BSDC1: variants seen among roughly 807,000 people sequenced by gnomAD.
The protein encoded by BSDC1 is BSD domain-containing protein 1.
A neutral mutation model predicts 56.0 loss-of-function variants in BSDC1; 29 were observed. The observed-to-expected ratio is 0.52, with a 90% CI of 0.39 to 0.71. The LOEUF (loss-of-function observed/expected upper bound fraction) is 0.71. Among genes scored for constraint, BSDC1 ranks in the 30% least tolerant of loss-of-function variants. BSDC1 has a pLI of 0.00. For missense variants in BSDC1, 477 were observed against 548.5 expected (o/e 0.87, Z 1.30); for synonymous variants, 210 against 215.3 (o/e 0.98, Z 0.21).
intron 9 of BSDC1, among the ~76,000 whole-genome samples, chr1:32,373,515 CTTTCT>C (rs1338471239): frequency 1.3e-5 from 2 of 152,038 alleles, no homozygotes; most frequent in East Asian, 3.8e-4. Context: ...CTTGCATATA[CTTTCT>C]TTTCTTTCCT....
chr1:32,387,405 G>A (rs140981673), intron 2 of BSDC1, among the ~76,000 whole-genome samples: 3,078 of 151,540 alleles, frequency 0.02, 101 homozygotes, highest in African/African-American at 0.071. Flanking sequence ...GCAATGGCAC[G>A]ATCTCGGCTC....
At chr1:32,381,341 G>A in intron 4 of BSDC1, 73 bp from the exon 5 acceptor site, 1 of 1,435,832 alleles carries the variant, frequency 7.0e-7, no homozygotes, top group Non-Finnish European at 9.7e-7. Flanking sequence ...TCTCTGCCAG[G>A]ATACTCAGTC....
intron 2 of BSDC1, among the ~76,000 whole-genome samples, chr1:32,389,171 G>A (rs911898638): frequency 6.6e-6 from 1 of 151,960 alleles, no homozygotes; most frequent in Admixed American, 6.6e-5. Context: ...AGCCAGGATG[G>A]TCTCGATCTC....
At chr1:32,367,191 C>G in intron 10 of BSDC1, 3 of 985,618 alleles carry the variant, frequency 3.0e-6, no homozygotes, top group Non-Finnish European at 3.6e-6. Context: ...CACCAACACC[C>G]TAATTCCCAG....
chr1:32,380,242 G>A (rs976589369), intron 5 of BSDC1, among the ~76,000 whole-genome samples: 4 of 152,116 alleles, frequency 2.6e-5, no homozygotes, highest in South Asian at 2.1e-4. Flanking sequence ...CCTTTAACCC[G>A]GCGTTACTAA....
chr1:32,374,136 C>T (rs1411208617), intron 9 of BSDC1, among the ~76,000 whole-genome samples: 1 of 152,182 alleles, frequency 6.6e-6, no homozygotes, highest in Non-Finnish European at 1.5e-5. Context: ...AGAAAAAGTA[C>T]ACAGATCTCA....
intron 9 of BSDC1, among the ~76,000 whole-genome samples, chr1:32,373,727 G>A (rs1278685804): frequency 6.6e-6 from 1 of 152,004 alleles, no homozygotes; most frequent in Non-Finnish European, 1.5e-5. Context: ...TCATCACAAT[G>A]CCAGGGCTGG....
intron 10 of BSDC1, 45 bp from the exon 11 acceptor site, chr1:32,366,699 T>C (rs916187108): frequency 6.9e-7 from 1 of 1,453,290 alleles, no homozygotes; most frequent in Non-Finnish European, 9.1e-7. Flanking sequence ...ACATAGTTAC[T>C]CCTGAGTCAG....
At chr1:32,389,475 G>C (rs1642790703) in intron 2 of BSDC1, among the ~76,000 whole-genome samples, 1 of 152,208 alleles carries the variant, frequency 6.6e-6, no homozygotes, top group African/African-American at 2.4e-5. Flanking sequence ...TGTGAGCTCT[G>C]AGCAGACAAA....
At chr1:32,390,269 G>A (rs556003036) in intron 2 of BSDC1, among the ~76,000 whole-genome samples, 20 of 152,224 alleles carry the variant, frequency 1.3e-4, no homozygotes, top group African/African-American at 4.8e-4. Context: ...GAAGAAGGAA[G>A]ACCAGTCAGG....
chr1:32,376,255 GACCT>G lies in BSDC1; in HGVS notation c.1156+3_1156+6del. The G allele has an allele frequency of 6.7e-7, 1 of 1,489,428 alleles. No individual in the cohort carries two copies. The highest frequency in any genetic ancestry group is 2.3e-5 in the East Asian group (1 of 43,554). 92.3% of individuals were successfully genotyped at this position (1,489,428 alleles called of 1,614,324 possible). ...ACAACCCTCTGGGCTTGGACCTCCA[GACCT>G]ACCTTTCTTTCCATTGTTGGAGGGT... On this transcript the variant is annotated splice_donor_5th_base_variant and intron_variant, in intron 9 of 10. Coordinates refer to ENST00000455895, the MANE Select transcript of BSDC1 (RefSeq NM_018045.8).
chr1:32,389,121 A>T (rs1056146141), intron 2 of BSDC1, among the ~76,000 whole-genome samples: 4 of 151,774 alleles, frequency 2.6e-5, no homozygotes, highest in Admixed American at 6.6e-5. Flanking sequence ...AGCCCAGCTA[A>T]TTTTTTGTAT....
chr1:32,366,842 T>TGAG, intron 10 of BSDC1, 188 bp from the exon 11 acceptor site: 1 of 1,332,114 alleles, frequency 7.5e-7, no homozygotes, highest in Non-Finnish European at 9.6e-7. Flanking sequence ...GCCCTCTGCC[T>TGAG]GAGGGGTGGG....
chr1:32,394,209 C>A, intron 1 of BSDC1, 69 bp from the exon 2 acceptor site: 1 of 1,579,028 alleles, frequency 6.3e-7, no homozygotes, highest in Non-Finnish European at 8.6e-7. Context: ...CCGGTTTGTT[C>A]CCCGCTCAGA....
At chr1:32,376,790 C>G in intron 8 of BSDC1, 49 bp from the exon 9 acceptor site, 1 of 1,329,250 alleles carries the variant, frequency 7.5e-7, no homozygotes, top group Non-Finnish European at 9.7e-7. Context: ...ACCTGGCCAG[C>G]CATAAGACAA....
At position 32,366,557 on chromosome 1, in the gene BSDC1, T is replaced by C. The variant is rs963927858; in HGVS notation, c.*65A>G. On this transcript the variant is annotated 3_prime_UTR_variant, in exon 11 of 11. Coordinates refer to ENST00000455895, the MANE Select transcript of BSDC1 (RefSeq NM_018045.8). ...GGGAACATTCTCAGTCTTCCAGGGCTGGGCTGAGACGAGCGAGGGAGGCGA... is the reference window on the plus strand; with the variant it reads ...GGGAACATTCTCAGTCTTCCAGGGCCGGGCTGAGACGAGCGAGGGAGGCGA... The C allele has an allele frequency of 5.7e-6, 8 of 1,392,564 alleles. No individual in the cohort carries two copies. Among genetic ancestry groups the C allele is most frequent in the African/African-American group, 1.4e-5 (1 of 69,766 alleles). The allele number at this position is 1,392,564 out of a possible 1,614,324, so 86.3% of individuals were successfully genotyped here.
chr1:32,370,257 C>T (rs963442352), intron 9 of BSDC1, among the ~76,000 whole-genome samples: 4 of 152,172 alleles, frequency 2.6e-5, no homozygotes, highest in African/African-American at 9.7e-5. Flanking sequence ...GGATTATAGG[C>T]GTGAGCCACT....
chr1:32,368,977 G>C (rs2148108367), intron 9 of BSDC1, among the ~76,000 whole-genome samples: 1 of 152,306 alleles, frequency 6.6e-6, no homozygotes, highest in East Asian at 1.9e-4. Flanking sequence ...GGGATTATAG[G>C]TGTGAGCCAC....
At chr1:32,368,709 T>G (rs528195950) in intron 9 of BSDC1, among the ~76,000 whole-genome samples, 159 bp from the exon 10 acceptor site, 4 of 152,218 alleles carry the variant, frequency 2.6e-5, no homozygotes, top group Admixed American at 2.6e-4. Flanking sequence ...ACTTTTTTTT[T>G]TTGTTTTCTT....
Sources: allele counts gnomAD v4.1 joint callset (sites outside exome capture counted in the v4.1 genomes callset), GRCh38; gene constraint gnomAD v4.1.1; transcripts MANE v1.5; gene names NCBI Gene and HGNC (gene_info 2026-07-23, HGNC 2026-07-21).